The following ADAM22 variants were observed in gnomAD, a reference collection of about 807,000 sequenced individuals.
The protein encoded by ADAM22 is ADAM metallopeptidase domain 22, also known as disintegrin and metalloproteinase domain-containing protein 22.
Under a neutral mutation model 144.6 loss-of-function variants are expected in ADAM22, and 65 were observed. The ratio of observed to expected loss-of-function variants is 0.45; its 90% CI spans 0.37 to 0.55. ADAM22 has a LOEUF of 0.55. Ranked by LOEUF, ADAM22 falls within the 20% of genes least tolerant of loss-of-function variation. ADAM22 has a pLI of 0.00. For synonymous variants in ADAM22, 391 were observed against 412.6 expected (o/e 0.95, Z 0.63); for missense variants, 974 against 1,184.9 (o/e 0.82, Z 2.61).
chr7:88,152,676 T>A (rs1188575243), intron 20 of ADAM22, among the ~76,000 whole-genome samples: 1 of 150,654 alleles, frequency 6.6e-6, no homozygotes, highest in African/African-American at 2.5e-5. Context: ...CAAATTCTTT[T>A]GTTGTTGTTG....
Position 87,964,546 on chromosome 7 carries a change from C to G in ADAM22, c.247-13790C>G, listed in dbSNP as rs184539625. 5.4e-3 allele frequency: 1,919 copies of G among 354,676 alleles called. 12 individuals are homozygous for G. Among genetic ancestry groups the G allele is most frequent in the Non-Finnish European group, 8.1e-3 (1,514 of 187,644 alleles). 22.0% of individuals were successfully genotyped at this position (354,676 alleles called of 1,614,324 possible). A position where few individuals can be genotyped will look rare whatever the true frequency, so the allele number is the denominator to read the frequency against. ...CTAGAGTCTCTTTTATTACCTTTGTCTAACAGAATAATTTGATTATTTTTC... is the reference window on the plus strand; with the variant it reads ...CTAGAGTCTCTTTTATTACCTTTGTGTAACAGAATAATTTGATTATTTTTC... On this transcript the variant is annotated intron_variant, in intron 2 of 31. Transcript: ENST00000413139.
intron 6 of ADAM22, 87 bp from the exon 7 acceptor site, chr7:88,116,658 T>C: frequency 9.1e-7 from 1 of 1,097,796 alleles, no homozygotes; most frequent in Non-Finnish European, 1.4e-6. Flanking sequence ...AAGCTGTGGT[T>C]CTTTTAAGGG....
At position 88,199,231 on chromosome 7, in the gene ADAM22, A is replaced by G. The variant is rs1471148829; in HGVS notation, c.*2740A>G. Reference sequence around the variant, plus strand: ...AGTTTATATCATGCAACTAATATTTATATTTCCCAATCCACTACAAAATCA... The same window carrying G: ...AGTTTATATCATGCAACTAATATTTGTATTTCCCAATCCACTACAAAATCA... On this transcript the variant is annotated 3_prime_UTR_variant, in exon 32 of 32. Coordinates refer to ENST00000413139, the MANE Select transcript of ADAM22 (RefSeq NM_001324418.2). 1 of 152,226 alleles carries G rather than the reference A, an allele frequency of 6.6e-6. No homozygotes were observed. Among genetic ancestry groups the G allele is most frequent in the Non-Finnish European group, 1.5e-5 (1 of 68,042 alleles). The allele number at this position is 152,226 out of a possible 1,614,324, so 9.4% of individuals were successfully genotyped here.
intron 14 of ADAM22, among the ~76,000 whole-genome samples, chr7:88,142,792 C>T (rs1460726955): frequency 1.2e-4 from 18 of 150,924 alleles, no homozygotes; most frequent in Admixed American, 5.3e-4. Flanking sequence ...GAGCCAAGAT[C>T]GTGCCACTGC....
At chr7:87,968,941 AAGAG>A (rs372251529) in intron 2 of ADAM22, among the ~76,000 whole-genome samples, 1 of 151,706 alleles carries the variant, frequency 6.6e-6, no homozygotes, top group Admixed American at 6.6e-5. Flanking sequence ...GAGCAGAAGG[AAGAG>A]AGAGAGAGAA....
chr7:88,008,126 G>C (rs1351160119), intron 3 of ADAM22, among the ~76,000 whole-genome samples: 1 of 151,958 alleles, frequency 6.6e-6, no homozygotes, highest in Non-Finnish European at 1.5e-5. Flanking sequence ...AGACATTTAT[G>C]CAGCCAAAAA....
chr7:87,953,074 C>T (rs1256815281), intron 2 of ADAM22, among the ~76,000 whole-genome samples: 1 of 151,410 alleles, frequency 6.6e-6, no homozygotes, highest in African/African-American at 2.4e-5. Flanking sequence ...TTTTGTTGAT[C>T]CTTTCAAAAA....
chr7:87,953,478 C>G (rs1332941015), intron 2 of ADAM22, among the ~76,000 whole-genome samples: 1 of 152,120 alleles, frequency 6.6e-6, no homozygotes, highest in Middle Eastern at 3.2e-3. Flanking sequence ...ATCCTGAGTT[C>G]TAGTTTGATT....
At chr7:87,973,881 T>C (rs1407949544) in intron 2 of ADAM22, among the ~76,000 whole-genome samples, 1 of 151,664 alleles carries the variant, frequency 6.6e-6, no homozygotes, top group Non-Finnish European at 1.5e-5. Flanking sequence ...AGGTGGGAAT[T>C]GAACAATGAG....
intron 6 of ADAM22, among the ~76,000 whole-genome samples, chr7:88,115,321 C>T (rs1234399675): frequency 2.0e-5 from 3 of 152,154 alleles, no homozygotes; most frequent in African/African-American, 4.8e-5. Flanking sequence ...CTATTTCCAT[C>T]TCAACCCTAA....
At chr7:88,050,904 T>A (rs1806141788) in intron 3 of ADAM22, among the ~76,000 whole-genome samples, 1 of 152,256 alleles carries the variant, frequency 6.6e-6, no homozygotes, top group Non-Finnish European at 1.5e-5. Flanking sequence ...TTGCCATTGC[T>A]TTTGGTGTTT....
chr7:88,008,056 A>T (rs1401850896), intron 3 of ADAM22, among the ~76,000 whole-genome samples: 1 of 152,216 alleles, frequency 6.6e-6, no homozygotes, highest in East Asian at 1.9e-4. Flanking sequence ...TTTACAAGAA[A>T]AAAACAAACA....
intron 30 of ADAM22, among the ~76,000 whole-genome samples, chr7:88,192,446 A>G (rs1365320187): frequency 6.6e-6 from 1 of 152,202 alleles, no homozygotes; most frequent in African/African-American, 2.4e-5. Flanking sequence ...ACAGCATAAT[A>G]CAGCAGCAGC....
intron 3 of ADAM22, among the ~76,000 whole-genome samples, chr7:88,042,075 C>T (rs1483319554): frequency 1.3e-5 from 2 of 152,106 alleles, no homozygotes; most frequent in South Asian, 4.1e-4. Flanking sequence ...TTCTTTGAGT[C>T]ATATCTATAC....
At chr7:88,128,221 C>T (rs182451458) in intron 8 of ADAM22, among the ~76,000 whole-genome samples, 33 of 152,110 alleles carry the variant, frequency 2.2e-4, no homozygotes, top group Non-Finnish European at 4.1e-4. Context: ...AAATGAAAAT[C>T]GCTGGAGGCA....
intron 4 of ADAM22, among the ~76,000 whole-genome samples, chr7:88,096,550 ATTAT>A (rs1165922845): frequency 1.4e-4 from 21 of 151,184 alleles, no homozygotes; most frequent in African/African-American, 4.3e-4. Context: ...TGACTCATAA[ATTAT>A]TTATATTTTT....
chr7:87,935,536 A>T (rs1049500909), intron 2 of ADAM22, among the ~76,000 whole-genome samples: 1 of 152,108 alleles, frequency 6.6e-6, no homozygotes, highest in Non-Finnish European at 1.5e-5. Context: ...TTGAATCATC[A>T]TTGTTGTTGT....
chr7:88,090,001 T>C (rs1483876707), intron 4 of ADAM22: 1 of 152,182 alleles, frequency 6.6e-6, no homozygotes, highest in Non-Finnish European at 1.5e-5. Context: ...ATAGTTCACA[T>C]AGCATAAACT....
In ADAM22 at chr7:87,966,720, C is replaced by CGTTTT. The variant is rs1849130078; in HGVS notation, c.247-11615_247-11611dup. Reference sequence around the variant, plus strand: ...AGAGTTCATCTTATCCAAGGAAAGCCGTTTTTTTTTTTTTTTTTTTTTTTT... The same window carrying CGTTTT: ...AGAGTTCATCTTATCCAAGGAAAGCCGTTTTGTTTTTTTTTTTTTTTTTTTTTTTT... On this transcript the variant is annotated intron_variant, in intron 2 of 31. Coordinates refer to ENST00000413139, the MANE Select transcript of ADAM22 (RefSeq NM_001324418.2). 6.6e-5 allele frequency among the ~76,000 whole-genome samples: 2 copies of CGTTTT among 30,172 alleles called. 1 individual carries two copies. Among genetic ancestry groups the CGTTTT allele is most frequent in the Non-Finnish European group, 1.2e-4 (2 of 16,400 alleles). The allele number at this position is 30,172 out of a possible 152,430, so 19.8% of individuals were successfully genotyped here.
Sources: gnomAD v4.1 joint callset for allele counts (sites outside exome capture counted in the v4.1 genomes callset) on GRCh38, gnomAD v4.1.1 for gene constraint, MANE v1.5 for transcripts, NCBI Gene and HGNC (gene_info 2026-07-23, HGNC 2026-07-21) for gene names.